The following GALNT13 variants were observed in gnomAD, a reference collection of about 807,000 sequenced individuals.
GALNT13 encodes the protein polypeptide N-acetylgalactosaminyltransferase 13.
Under a neutral mutation model 64.2 loss-of-function variants are expected in GALNT13, and 28 were observed. The observed-to-expected ratio is 0.44, with a 90% CI of 0.32 to 0.60. GALNT13 has a LOEUF of 0.60. GALNT13 is among the 20% of genes least tolerant of loss of function. GALNT13 has a pLI of 0.05. For synonymous variants in GALNT13, 214 were observed against 224.6 expected, an observed-to-expected ratio of 0.95 and a Z score of 0.42; for missense variants, 577 against 669.8, an observed-to-expected ratio of 0.86 and a Z score of 1.53.
At chr2:153,993,103 TA>T (rs1340696129) in intron 3 of GALNT13, among the ~76,000 whole-genome samples, 1 of 152,134 alleles carries the variant, frequency 6.6e-6, no homozygotes, top group Non-Finnish European at 1.5e-5. Flanking sequence ...ATGATATATT[TA>T]CGACTAATAT....
chr2:153,666,676 G>A, the GALNT13 span, among the ~76,000 whole-genome samples: 116 of 152,288 alleles, frequency 7.6e-4, 3 homozygotes, highest in Middle Eastern at 3.4e-3. Context: ...CCAAAGGGCA[G>A]CAATGTCAAA....
At chr2:153,505,941 G>T in the GALNT13 span, among the ~76,000 whole-genome samples, 1 of 152,080 alleles carries the variant, frequency 6.6e-6, no homozygotes, top group African/African-American at 2.4e-5. Context: ...CCTGTCAGTG[G>T]AGTATTGAAG....
the GALNT13 span, among the ~76,000 whole-genome samples, chr2:153,600,838 G>A: frequency 6.6e-5 from 10 of 152,098 alleles, no homozygotes; most frequent in African/African-American, 2.2e-4. Context: ...ATCCCTGGCT[G>A]AGATAGGCTG....
chr2:153,399,409 T>C, the GALNT13 span, among the ~76,000 whole-genome samples: 1 of 152,230 alleles, frequency 6.6e-6, no homozygotes, highest in Non-Finnish European at 1.5e-5. Flanking sequence ...TGATGTGGGC[T>C]CTTTTTTAGT....
chr2:153,395,930 A>G, the GALNT13 span, among the ~76,000 whole-genome samples: 1 of 152,256 alleles, frequency 6.6e-6, no homozygotes, highest in East Asian at 1.9e-4. Flanking sequence ...ATTTTCTATA[A>G]AGAATAGATG....
At chr2:154,150,944 A>G (rs945792492) in intron 4 of GALNT13, among the ~76,000 whole-genome samples, 1 of 151,896 alleles carries the variant, frequency 6.6e-6, no homozygotes, top group Non-Finnish European at 1.5e-5. Flanking sequence ...TTCCGCTCTG[A>G]TTTTAGTTAT....
chr2:153,979,584 G>A (rs191546334), intron 3 of GALNT13, among the ~76,000 whole-genome samples: 1 of 152,244 alleles, frequency 6.6e-6, no homozygotes, highest in Admixed American at 6.5e-5. Context: ...TGCATAAAAG[G>A]ACATTGAAGA....
the GALNT13 span, among the ~76,000 whole-genome samples, chr2:153,556,081 T>G: frequency 1.3e-5 from 2 of 152,362 alleles, no homozygotes; most frequent in South Asian, 4.1e-4. Flanking sequence ...AGTCAAGTGC[T>G]TTCAGGCATC....
At chr2:154,388,693 T>A (rs1246203263) in intron 9 of GALNT13, among the ~76,000 whole-genome samples, 3 of 54,304 alleles carry the variant, frequency 5.5e-5, no homozygotes, top group Non-Finnish European at 1.1e-4. Context: ...AACAATGGCT[T>A]ATTATTATAT....
At chr2:153,546,336 T>C in the GALNT13 span, among the ~76,000 whole-genome samples, 1 of 152,232 alleles carries the variant, frequency 6.6e-6, no homozygotes, top group African/African-American at 2.4e-5. Context: ...TTCTGTACTT[T>C]TAAAATCATT....
At chr2:153,209,883 C>T in the GALNT13 span, among the ~76,000 whole-genome samples, 1 of 152,080 alleles carries the variant, frequency 6.6e-6, no homozygotes, top group Non-Finnish European at 1.5e-5. Context: ...AAGTTTTTCA[C>T]ATTTTTAAAG....
chr2:153,127,632 TCTA>T, the GALNT13 span, among the ~76,000 whole-genome samples: 2 of 152,204 alleles, frequency 1.3e-5, no homozygotes, highest in African/African-American at 4.8e-5. Flanking sequence ...TTTATCATCT[TCTA>T]GTTATGTTTG....
intron 4 of GALNT13, among the ~76,000 whole-genome samples, chr2:154,141,118 T>C (rs954522603): frequency 6.6e-6 from 1 of 152,082 alleles, no homozygotes; most frequent in African/African-American, 2.4e-5. Context: ...TTTGTATACT[T>C]GTATAGGTCA....
the GALNT13 span, among the ~76,000 whole-genome samples, chr2:153,394,367 T>C: frequency 6.6e-6 from 1 of 152,174 alleles, no homozygotes; most frequent in Admixed American, 6.5e-5. Flanking sequence ...TTGTGCTTAA[T>C]ACCATTTTAA....
At chr2:153,820,116 G>T in the GALNT13 span, among the ~76,000 whole-genome samples, 1 of 152,180 alleles carries the variant, frequency 6.6e-6, no homozygotes, top group Admixed American at 6.5e-5. Context: ...AAATACAATT[G>T]AAAGCTAGAC....
chr2:153,941,842 TAAG>T (rs551056748), intron 2 of GALNT13, among the ~76,000 whole-genome samples: 37 of 152,282 alleles, frequency 2.4e-4, no homozygotes, highest in Admixed American at 7.2e-4. Context: ...CATAATTACA[TAAG>T]AAGTTTAAAC....
At chr2:154,013,916 TC>T (rs1032830269) in intron 3 of GALNT13, among the ~76,000 whole-genome samples, 106 of 152,210 alleles carry the variant, frequency 7.0e-4, no homozygotes, top group Middle Eastern at 3.4e-3. Flanking sequence ...CTGCTGGACT[TC>T]TCTGATGGTT....
intron 4 of GALNT13, among the ~76,000 whole-genome samples, chr2:154,162,500 C>T (rs1055019372): frequency 6.6e-6 from 1 of 152,166 alleles, no homozygotes; most frequent in Non-Finnish European, 1.5e-5. Context: ...ATGTTTCAGT[C>T]ATAGCCTGAG....
the GALNT13 span, among the ~76,000 whole-genome samples, chr2:153,148,534 G>T: frequency 6.7e-6 from 1 of 149,442 alleles, no homozygotes; most frequent in Non-Finnish European, 1.5e-5. Flanking sequence ...GGATTTGGAA[G>T]ATAGAACGCA....
Sources: allele counts gnomAD v4.1 joint callset (sites outside exome capture counted in the v4.1 genomes callset), GRCh38; gene constraint gnomAD v4.1.1; transcripts MANE v1.5; gene names NCBI Gene and HGNC (gene_info 2026-07-23, HGNC 2026-07-21).